Variants in MYH15 observed in about 807,000 individuals in gnomAD.
MYH15 encodes myosin heavy chain 15, also known as myosin-15.
In MYH15, 227 loss-of-function variants were observed where a neutral mutation model predicts 240.5. The observed-to-expected ratio is 0.94, with a 90% CI of 0.85 to 1.05. The LOEUF (loss-of-function observed/expected upper bound fraction) is 1.05. Ranked by LOEUF, MYH15 falls within the 50% of genes least tolerant of loss-of-function variation. The pLI is 0.00. For missense variants in MYH15, 2,217 were observed against 2,247.5 expected (o/e 0.99, Z 0.27); for synonymous variants, 785 against 796.7 (o/e 0.99, Z 0.25).
At chr3:108,508,763 G>T (rs760637146) in intron 1 of MYH15, among the ~76,000 whole-genome samples, 1 of 151,952 alleles carries the variant, frequency 6.6e-6, no homozygotes, top group Non-Finnish European at 1.5e-5. Context: ...TAAATAGATC[G>T]CTTACATGTT....
At position 108,446,937 on chromosome 3, in the gene MYH15, T is replaced by G. The variant is rs572480317; in HGVS notation, c.2400-2042A>C. Among the ~76,000 whole-genome samples the G allele has an allele frequency of 1.1e-4, 16 of 152,086 alleles. 1 individual carries two copies. The highest frequency in any genetic ancestry group is 7.2e-4 in the Admixed American group (11 of 15,276). On this transcript the variant is annotated intron_variant, in intron 21 of 40. Coordinates refer to ENST00000693548, the MANE Select transcript of MYH15 (RefSeq NM_014981.3). ...TGACAAAGAATTCAAAACAATGATC[T>G]TAAAAAAAAGTTTAGTGAGCTACAA... is the stretch of plus-strand genomic sequence containing the variant.
chr3:108,430,838 CTCTTT>C lies in MYH15; in HGVS notation c.3301_3305del (p.Lys1101AlafsTer15). 1.2e-6 allele frequency: 2 copies of C among 1,610,154 alleles called. No individual in the cohort carries two copies. The highest frequency in any genetic ancestry group is 1.7e-6 in the Non-Finnish European group (2 of 1,178,218). ...ATATTTGATAATTGATTACCTGAAG[CTCTTT>C]AACCGTCTTCTGAAGCTGAGCTACC... On this transcript the variant is annotated frameshift_variant, in exon 26 of 41. Coordinates refer to ENST00000693548, the MANE Select transcript of MYH15 (RefSeq NM_014981.3). LOFTEE classifies it high-confidence loss of function.
At chr3:108,464,517 G>T in intron 15 of MYH15, 121 bp downstream of exon 15, 1 of 1,001,134 alleles carries the variant, frequency 1.0e-6, no homozygotes, top group Non-Finnish European at 1.5e-6. Context: ...GAACTGAGAT[G>T]TATTTTGTTC....
intron 11 of MYH15, 114 bp from the exon 12 acceptor site, chr3:108,476,629 C>T (rs949557031): frequency 1.4e-5 from 9 of 631,338 alleles, no homozygotes; most frequent in South Asian, 2.2e-5. Flanking sequence ...TTTACATCAG[C>T]GTAGCAAAGT....
At chr3:108,534,315 A>G (rs1443183467), upstream of MYH15, among the ~76,000 whole-genome samples, 1 of 152,206 alleles carries the variant, frequency 6.6e-6, no homozygotes, top group Non-Finnish European at 1.5e-5. Context: ...AGACCAGCCT[A>G]TTTGATAGTA....
chr3:108,412,364 C>A (rs2082601373), intron 30 of MYH15, among the ~76,000 whole-genome samples: 1 of 152,208 alleles, frequency 6.6e-6, no homozygotes, highest in Non-Finnish European at 1.5e-5. Flanking sequence ...TGAAGAAGGA[C>A]CTATTTGCTT....
intron 4 of MYH15, 138 bp downstream of exon 4, chr3:108,499,979 CA>C (rs2083423639): frequency 9.9e-7 from 1 of 1,007,806 alleles, no homozygotes; most frequent in East Asian, 2.6e-5. Flanking sequence ...ACATTTTATC[CA>C]GAAGGAAACA....
intron 21 of MYH15, among the ~76,000 whole-genome samples, chr3:108,446,181 C>T (rs1479249035): frequency 6.6e-6 from 1 of 152,160 alleles, no homozygotes; most frequent in African/African-American, 2.4e-5. Context: ...CCAGTAGATC[C>T]TAACCACAGA....
At chr3:108,517,764 G>A (rs759203666) in intron 1 of MYH15, among the ~76,000 whole-genome samples, 7 of 152,104 alleles carry the variant, frequency 4.6e-5, no homozygotes, top group African/African-American at 1.7e-4. Context: ...CACCGCACCC[G>A]GCCACCTTCT....
intron 24 of MYH15, 128 bp downstream of exon 24, chr3:108,439,609 A>C: frequency 2.4e-6 from 2 of 833,712 alleles, no homozygotes; most frequent in Non-Finnish European, 3.5e-6. Flanking sequence ...TTTTATTCTC[A>C]ATAATCAGGA....
intron 1 of MYH15, among the ~76,000 whole-genome samples, chr3:108,527,587 C>T (rs940750714): frequency 6.6e-6 from 1 of 152,084 alleles, no homozygotes; most frequent in Non-Finnish European, 1.5e-5. Flanking sequence ...AATGCATTTC[C>T]ATAACTCCTA....
At chr3:108,522,921 G>A (rs924141912) in intron 1 of MYH15, among the ~76,000 whole-genome samples, 3 of 151,980 alleles carry the variant, frequency 2.0e-5, no homozygotes, top group Admixed American at 2.0e-4. Context: ...ACGCAGATTT[G>A]CTACAGATTT....
At chr3:108,438,855 T>C (rs1342892655) in intron 24 of MYH15, among the ~76,000 whole-genome samples, 1 of 152,114 alleles carries the variant, frequency 6.6e-6, no homozygotes, top group Non-Finnish European at 1.5e-5. Flanking sequence ...CAGGAGAGAA[T>C]AAGTGTGTGG....
At chr3:108,506,450 C>T (rs2083476221) in intron 1 of MYH15, among the ~76,000 whole-genome samples, 1 of 152,108 alleles carries the variant, frequency 6.6e-6, no homozygotes, top group Admixed American at 6.6e-5. Flanking sequence ...ATACCCCATC[C>T]CTAAGCAAAG....
intron 34 of MYH15, 39 bp downstream of exon 34, chr3:108,399,036 T>G (rs756228646): frequency 6.3e-7 from 1 of 1,586,750 alleles, no homozygotes; most frequent in Non-Finnish European, 8.6e-7. Flanking sequence ...CAGAAACATT[T>G]TCCACCCCTC....
At chr3:108,513,350 A>G (rs949692040), upstream of MYH15, among the ~76,000 whole-genome samples, 7 of 152,208 alleles carry the variant, frequency 4.6e-5, no homozygotes, top group African/African-American at 1.7e-4. Flanking sequence ...CTGATACTGC[A>G]TATATTTACA....
chr3:108,383,297 T>C (rs1473520489), intron 40 of MYH15, among the ~76,000 whole-genome samples: 2 of 152,226 alleles, frequency 1.3e-5, no homozygotes, highest in Non-Finnish European at 2.9e-5. Context: ...CATGGACTCC[T>C]GACTACTTTA....
chr3:108,490,199 T>G (rs999284143), intron 9 of MYH15, among the ~76,000 whole-genome samples: 2 of 152,234 alleles, frequency 1.3e-5, no homozygotes, highest in African/African-American at 4.8e-5. Flanking sequence ...GGAGAATACG[T>G]GCTGCTTACA....
the MYH15 span, among the ~76,000 whole-genome samples, chr3:108,549,075 T>C: frequency 3.5e-3 from 540 of 152,200 alleles, 1 homozygote; most frequent in African/African-American, 0.012. Context: ...TGTTAATGTA[T>C]ACTTTGGAGA....
Sources: allele counts gnomAD v4.1 joint callset (sites outside exome capture counted in the v4.1 genomes callset), GRCh38; gene constraint gnomAD v4.1.1; transcripts MANE v1.5; gene names NCBI Gene and HGNC (gene_info 2026-07-23, HGNC 2026-07-21).